CDH5: variants seen among roughly 807,000 people sequenced by gnomAD.
The protein encoded by CDH5 is cadherin-5.
Under a neutral mutation model 62.0 loss-of-function variants are expected in CDH5, and 28 were observed. The ratio of observed to expected loss-of-function variants is 0.45; its 90% CI spans 0.33 to 0.62. CDH5 has a LOEUF of 0.62. Among genes scored for constraint, CDH5 ranks in the 20% least tolerant of loss-of-function variants. CDH5 has a pLI of 0.02. For synonymous variants in CDH5, 464 were observed against 445.8 expected, an observed-to-expected ratio of 1.04 and a Z score of -0.52; for missense variants, 940 against 1,065.1, an observed-to-expected ratio of 0.88 and a Z score of 1.63.
chr16:66,372,300 G>C (rs1960705985), intron 1 of CDH5, among the ~76,000 whole-genome samples: 1 of 152,246 alleles, frequency 6.6e-6, no homozygotes, highest in African/African-American at 2.4e-5. Context: ...TAAGTGCCTG[G>C]CACATAGTAG....
chr16:66,380,310 C>T (rs1188414393), intron 2 of CDH5, among the ~76,000 whole-genome samples: 45 of 110,992 alleles, frequency 4.1e-4, no homozygotes, highest in Admixed American at 2.0e-3. Context: ...ATGGTGATGA[C>T]AGTGATGATA....
At chr16:66,378,882 T>C (rs1369313731) in intron 1 of CDH5, among the ~76,000 whole-genome samples, 1 of 152,024 alleles carries the variant, frequency 6.6e-6, no homozygotes, top group East Asian at 1.9e-4. Flanking sequence ...ATAAAGGGAG[T>C]TAGGTTCCCT....
At chr16:66,368,487 C>G (rs549484325) in intron 1 of CDH5, among the ~76,000 whole-genome samples, 6 of 152,332 alleles carry the variant, frequency 3.9e-5, no homozygotes, top group Non-Finnish European at 8.8e-5. Context: ...AGGAAGCCAG[C>G]AGGGGCCACA....
rs770518703 is a variant in CDH5 at position 66,390,390 on chromosome 16, CTGTT to C, written c.782-10_782-7del. 18 of 1,604,072 alleles carry C rather than the reference CTGTT, an allele frequency of 1.1e-5. No homozygotes were observed. In the South Asian group the frequency reaches 2.0e-4, roughly 18 times the overall value. On this transcript the variant is annotated splice_polypyrimidine_tract_variant and intron_variant, in intron 5 of 11. Transcript: ENST00000341529. ...TTAACCCAAAGCCCTTTGGGGTGCT[CTGTT>C]TGCATCAGCCAAGTACACATTTGTC...
At chr16:66,370,519 G>A (rs572836298) in intron 1 of CDH5, among the ~76,000 whole-genome samples, 11 of 152,274 alleles carry the variant, frequency 7.2e-5, no homozygotes, top group Middle Eastern at 6.8e-3. Flanking sequence ...CCTGTGAGTG[G>A]GGAAGGAGTG....
chr16:66,370,903 G>T (rs1960675529), intron 1 of CDH5, among the ~76,000 whole-genome samples: 1 of 152,206 alleles, frequency 6.6e-6, no homozygotes, highest in African/African-American at 2.4e-5. Flanking sequence ...AGGAGAGCTG[G>T]CAGGGTGGGC....
At chr16:66,380,590 GTGA>G (rs1037031825) in intron 2 of CDH5, among the ~76,000 whole-genome samples, 4 of 151,902 alleles carry the variant, frequency 2.6e-5, no homozygotes, top group East Asian at 1.9e-4. Flanking sequence ...GGTTGTAATG[GTGA>G]TGATGATGGT....
intron 2 of CDH5, among the ~76,000 whole-genome samples, chr16:66,385,323 T>C (rs1280455812): frequency 6.6e-6 from 1 of 152,234 alleles, no homozygotes; most frequent in African/African-American, 2.4e-5. Flanking sequence ...TAAGATGCTT[T>C]ACATATATTA....
In CDH5 at chr16:66,403,038, T is replaced by C. The variant is rs767715279; in HGVS notation, c.2224T>C (p.Ser742Pro). 17 of 1,613,070 alleles carry C rather than the reference T, an allele frequency of 1.1e-5. No homozygotes were observed. In the East Asian group the frequency reaches 3.6e-4, roughly 34 times the overall value. Residue 742 changes from serine to proline, a missense_variant, in exon 12 of 12, where the codon TCC (serine) becomes CCC (proline). Ser to Pro is a moderately conservative substitution (Grantham distance 74, BLOSUM62 -1). Transcript: ENST00000341529. This position sits in a 1 kb window ranked among gnomAD's most constrained non-coding sequence, Gnocchi z 4.3. ...GYEGSESIAESLSSLGTDSSD... is the reference protein window; with the variant it reads ...GYEGSESIAEPLSSLGTDSSD... ...CGAGGGCTCCGAGTCCATAGCCGAGTCCCTCAGCTCCCTGGGCACCGACTC... is the reference window on the plus strand; with the variant it reads ...CGAGGGCTCCGAGTCCATAGCCGAGCCCCTCAGCTCCCTGGGCACCGACTC...
chr16:66,382,285 C>A (rs1567462705), intron 2 of CDH5, among the ~76,000 whole-genome samples: 1 of 152,220 alleles, frequency 6.6e-6, no homozygotes, highest in Non-Finnish European at 1.5e-5. Context: ...CCACCCACAA[C>A]CAGCTGGCTG....
intron 1 of CDH5, among the ~76,000 whole-genome samples, chr16:66,374,017 T>A (rs888045472): frequency 9.9e-5 from 15 of 151,924 alleles, no homozygotes; most frequent in African/African-American, 3.4e-4. Context: ...AAGCACTAAT[T>A]TGGGGGAAAG....
rs1396987262 is a variant in CDH5 at position 66,400,982 on chromosome 16, G to C, written c.1803G>C (p.Val601=). The C allele has an allele frequency of 6.2e-7, 1 of 1,614,078 alleles. No individual in the cohort carries two copies. The highest frequency in any genetic ancestry group is 8.5e-7 in the Non-Finnish European group (1 of 1,180,046). ...AAQVGVSIQA[V]VAILLCILTI... The stretch of plus-strand genomic sequence containing the variant: ...AGGTGGGCGTGAGCATCCAGGCAGT[G>C]GTAGCCATCTTACTCTGCATCCTCA... Residue 601 remains valine, a synonymous_variant, in exon 11 of 12, where the codon GTG becomes GTC. Coordinates refer to ENST00000341529, the MANE Select transcript of CDH5 (RefSeq NM_001795.5).
chr16:66,391,490 C>T (rs1028030549), intron 6 of CDH5, among the ~76,000 whole-genome samples: 3 of 151,928 alleles, frequency 2.0e-5, no homozygotes, highest in East Asian at 1.9e-4. Context: ...AAAGCATGTC[C>T]GGCCGGGCCC....
rs139612718 is a variant in CDH5, at chr16:66,402,679, G to A, written c.1865G>A (p.Arg622Gln). 9.5e-5 allele frequency: 153 copies of A among 1,603,670 alleles called. No individual in the cohort carries two copies. Among genetic ancestry groups the A allele is most frequent in the Non-Finnish European group, 1.2e-4 (144 of 1,176,550 alleles). The change falls in exon 12 of 12, where the codon CGG (arginine) becomes CAG (glutamine). Residue 622 changes from arginine to glutamine, a missense_variant. Physicochemically the swap from Arg to Gln is conservative, Grantham distance 43. Coordinates refer to ENST00000341529, the MANE Select transcript of CDH5 (RefSeq NM_001795.5). Reference sequence around the variant, plus strand: ...ATCACCCTGCTCATCTTCCTGCGGCGGCGGCTCCGGAAGCAGGCCCGCGCG... The same window carrying A: ...ATCACCCTGCTCATCTTCCTGCGGCAGCGGCTCCGGAAGCAGGCCCGCGCG... ...TVITLLIFLR[R>Q]RLRKQARAHG... is the part of the protein sequence containing the mutation.
intron 10 of CDH5, among the ~76,000 whole-genome samples, chr16:66,400,469 G>T (rs1318442951): frequency 2.0e-5 from 3 of 152,232 alleles, no homozygotes; most frequent in Admixed American, 1.3e-4. Context: ...ACTGGAGTGG[G>T]GTTAGGGAAG....
At chr16:66,381,710 T>C (rs1403000451) in intron 2 of CDH5, among the ~76,000 whole-genome samples, 2 of 152,156 alleles carry the variant, frequency 1.3e-5, no homozygotes, top group African/African-American at 2.4e-5. Context: ...GAGGGTGGTC[T>C]AGAGCAAGGA....
chr16:66,403,126 C>A lies in CDH5; in HGVS notation c.2312C>A (p.Ala771Asp), dbSNP rs769132853. 30 of 1,613,390 alleles carry A rather than the reference C, an allele frequency of 1.9e-5. No individual in the cohort carries two copies. In the Admixed American group the frequency reaches 4.3e-4, roughly 23 times the overall value. ...TGGGGACCCAGGTTTAAGATGCTGG[C>A]TGAGCTGTACGGCTCGGACCCCCGG... ...NDWGPRFKMLAELYGSDPREE... is the reference protein window; with the variant it reads ...NDWGPRFKMLDELYGSDPREE... Residue 771 changes from alanine (A) to aspartate (D), a missense_variant, in exon 12 of 12, where the codon GCT becomes GAT. Transcript: ENST00000341529. This position sits in a 1 kb window ranked among gnomAD's most constrained non-coding sequence, Gnocchi z 4.3.
At position 66,379,676 on chromosome 16, in the gene CDH5, A is replaced by AG. The variant is rs1319618141; in HGVS notation, c.210+132dup. 3 of 769,056 alleles carry AG rather than the reference A, an allele frequency of 3.9e-6. 1 individual carries two copies. Among genetic ancestry groups the AG allele is most frequent in the Non-Finnish European group, 6.5e-6 (3 of 461,594 alleles). 47.6% of individuals were successfully genotyped at this position (769,056 alleles called of 1,614,324 possible). ...GGTGGTTGTAGGAGTGGAGATGATAAGGGTGAAGGTGGTAGCAATAGTGGT... is the reference window on the plus strand; with the variant it reads ...GGTGGTTGTAGGAGTGGAGATGATAAGGGGTGAAGGTGGTAGCAATAGTGGT... On this transcript the variant is annotated intron_variant, in intron 2 of 11. Transcript: ENST00000341529.
chr16:66,377,684 C>T (rs974941478), intron 1 of CDH5: 1 of 152,370 alleles, frequency 6.6e-6, no homozygotes, highest in Admixed American at 6.5e-5. Flanking sequence ...CTGGTTCCCT[C>T]TCCCACCCAC....
Sources: gnomAD v4.1 joint callset for allele counts (sites outside exome capture counted in the v4.1 genomes callset) on GRCh38, gnomAD v4.1.1 for gene constraint, Gnocchi (gnomAD v3.1) non-coding constraint, MANE v1.5 for transcripts, NCBI Gene and HGNC (gene_info 2026-07-23, HGNC 2026-07-21) for gene names.